Variants in DNAJC15 observed in about 807,000 individuals in gnomAD.
DNAJC15 encodes DnaJ heat shock protein family (Hsp40) member C15, also known as dnaJ homolog subfamily C member 15.
A neutral mutation model predicts 22.4 loss-of-function variants in DNAJC15; 27 were observed. That is an observed-to-expected ratio of 1.20 (90% CI 0.89 to 1.66). DNAJC15 has a LOEUF of 1.66. Ranked by LOEUF, DNAJC15 falls within the 40% of genes most tolerant of loss-of-function variation. The probability of loss-of-function intolerance (pLI) is 0.00; values close to 1 mark genes in which losing one functional copy is unlikely to be tolerated. For synonymous variants in DNAJC15, 79 were observed against 63.2 expected (o/e 1.25, Z -1.19); for missense variants, 208 against 187.1 (o/e 1.11, Z -0.65).
chr13:43,047,346 C>T (rs887775933), intron 1 of DNAJC15, among the ~76,000 whole-genome samples: 5 of 152,074 alleles, frequency 3.3e-5, no homozygotes, highest in South Asian at 4.1e-4. Flanking sequence ...CTCCTGAGTA[C>T]TATGGAGTAC....
In DNAJC15 at chr13:43,109,014, GTC is replaced by G. The variant is rs957090626; in HGVS notation, c.*1768_*1769del. On this transcript the variant is annotated 3_prime_UTR_variant, in exon 6 of 6. Transcript: ENST00000379221. ...ATCCCCAGATGTCCACCTGCCCAAA[GTC>G]TAGGCATAGCTGAAGGCCAAGCTAA... 2 of 152,178 alleles carry G rather than the reference GTC, an allele frequency of 1.3e-5. No homozygotes were observed. Among genetic ancestry groups the G allele is most frequent in the Admixed American group, 1.3e-4 (2 of 15,274 alleles). 9.4% of individuals were successfully genotyped at this position (152,178 alleles called of 1,614,324 possible).
At chr13:43,088,359 G>A (rs193184037) in intron 5 of DNAJC15, among the ~76,000 whole-genome samples, 5 of 152,196 alleles carry the variant, frequency 3.3e-5, no homozygotes, top group Admixed American at 2.6e-4. Context: ...CCTAAATCTG[G>A]GCTTTCTGCT....
chr13:43,113,609 C>T lies in DNAJC15; in HGVS notation c.*6361C>T, dbSNP rs1030770727. Reference sequence around the variant, plus strand: ...ATAACAGACTTGTGAGTTCCTTGAACATGGATACACCTATATGCAAGAGTG... The same window carrying T: ...ATAACAGACTTGTGAGTTCCTTGAATATGGATACACCTATATGCAAGAGTG... On this transcript the variant is annotated 3_prime_UTR_variant, in exon 6 of 6. Coordinates refer to ENST00000379221, the MANE Select transcript of DNAJC15 (RefSeq NM_013238.3). 7 of 152,242 alleles carry T rather than the reference C, an allele frequency of 4.6e-5. No homozygotes were observed. Among genetic ancestry groups the T allele is most frequent in the African/African-American group, 1.7e-4 (7 of 41,458 alleles). The allele number at this position is 152,242 out of a possible 1,614,324, so 9.4% of individuals were successfully genotyped here.
chr13:43,063,476 TCCA>T (rs1226946204), intron 1 of DNAJC15, among the ~76,000 whole-genome samples: 2 of 152,206 alleles, frequency 1.3e-5, no homozygotes, highest in Non-Finnish European at 2.9e-5. Context: ...CAAAACAAGT[TCCA>T]CAAAGGCCAC....
chr13:43,056,069 G>T (rs531255912), intron 1 of DNAJC15, among the ~76,000 whole-genome samples: 1 of 151,536 alleles, frequency 6.6e-6, no homozygotes, highest in South Asian at 2.1e-4. Context: ...TTTTGGAGTT[G>T]ATTTTCAGTT....
At chr13:43,103,525 A>T (rs1294406583) in intron 5 of DNAJC15, among the ~76,000 whole-genome samples, 1 of 152,242 alleles carries the variant, frequency 6.6e-6, no homozygotes, top group African/African-American at 2.4e-5. Context: ...TTGTTATTTT[A>T]ATCTTTGAAG....
chr13:43,046,429 CCGA>C (rs2040477363), intron 1 of DNAJC15, among the ~76,000 whole-genome samples: 1 of 151,872 alleles, frequency 6.6e-6, no homozygotes, highest in East Asian at 1.9e-4. Context: ...ACTTCCTAGG[CCGA>C]CTAAGAATTC....
chr13:43,056,069 G>C (rs531255912), intron 1 of DNAJC15, among the ~76,000 whole-genome samples: 5 of 151,536 alleles, frequency 3.3e-5, no homozygotes, highest in Non-Finnish European at 7.4e-5. Context: ...TTTTGGAGTT[G>C]ATTTTCAGTT....
intron 1 of DNAJC15, among the ~76,000 whole-genome samples, chr13:43,030,838 C>A (rs2040401271): frequency 1.3e-5 from 2 of 151,998 alleles, no homozygotes; most frequent in Admixed American, 1.3e-4. Flanking sequence ...AATGTCTTTT[C>A]AAGGGTAAGG....
chr13:43,089,680 G>A (rs993809638), intron 5 of DNAJC15, among the ~76,000 whole-genome samples: 3 of 152,208 alleles, frequency 2.0e-5, no homozygotes, highest in Non-Finnish European at 4.4e-5. Flanking sequence ...ATGAAATACT[G>A]TAGGTTCTAT....
At chr13:43,054,662 TCTC>T (rs1431430161) in intron 1 of DNAJC15, among the ~76,000 whole-genome samples, 1 of 152,214 alleles carries the variant, frequency 6.6e-6, no homozygotes, top group African/African-American at 2.4e-5. Context: ...AATTTATCCA[TCTC>T]CTCTAGGTTT....
chr13:43,038,972 G>C (rs1176990050), intron 1 of DNAJC15, among the ~76,000 whole-genome samples: 4 of 152,104 alleles, frequency 2.6e-5, no homozygotes, highest in African/African-American at 9.7e-5. Context: ...CTAGTAATAA[G>C]TTGTAGAAGA....
intron 4 of DNAJC15, among the ~76,000 whole-genome samples, chr13:43,084,438 T>C (rs1260802377): frequency 1.3e-5 from 2 of 152,204 alleles, no homozygotes; most frequent in African/African-American, 4.8e-5. Flanking sequence ...TCACAGCTAA[T>C]AAGTAGTGGA....
intron 1 of DNAJC15, among the ~76,000 whole-genome samples, chr13:43,048,994 G>A (rs892403013): frequency 6.6e-6 from 1 of 150,550 alleles, no homozygotes; most frequent in African/African-American, 2.4e-5. Flanking sequence ...AGCCTCATAT[G>A]GCATCCATAT....
intron 1 of DNAJC15, among the ~76,000 whole-genome samples, chr13:43,035,709 A>AT (rs1436288350): frequency 6.6e-6 from 1 of 152,048 alleles, no homozygotes; most frequent in Non-Finnish European, 1.5e-5. Context: ...GTACCAATTT[A>AT]TTTTTTAATT....
In DNAJC15 at chr13:43,110,361, G is replaced by C. The variant is rs938039937; in HGVS notation, c.*3113G>C. 4 of 152,210 alleles carry C rather than the reference G, an allele frequency of 2.6e-5. No homozygotes were observed. Among genetic ancestry groups the C allele is most frequent in the African/African-American group, 9.7e-5 (4 of 41,444 alleles). 9.4% of individuals were successfully genotyped at this position (152,210 alleles called of 1,614,324 possible). ...GCATCACTTGTGCCATATTCAGTTG[G>C]CCTAAGAATTACAGAGCCTGCCTCG... is the stretch of plus-strand genomic sequence containing the variant. On this transcript the variant is annotated 3_prime_UTR_variant, in exon 6 of 6. Coordinates refer to ENST00000379221, the MANE Select transcript of DNAJC15 (RefSeq NM_013238.3).
At chr13:43,101,992 A>G (rs2040771427) in intron 5 of DNAJC15, among the ~76,000 whole-genome samples, 1 of 152,190 alleles carries the variant, frequency 6.6e-6, no homozygotes, top group Non-Finnish European at 1.5e-5. Context: ...TTAGTTCTTT[A>G]AGGAATCTAC....
intron 2 of DNAJC15, among the ~76,000 whole-genome samples, chr13:43,068,396 A>G (rs1022009990): frequency 6.6e-6 from 1 of 152,136 alleles, no homozygotes; most frequent in African/African-American, 2.4e-5. Flanking sequence ...AGAAAAATTG[A>G]TAATTAACAT....
Position 43,068,912 on chromosome 13 carries a change from A to G in DNAJC15, c.161-18A>G. On this transcript the variant is annotated intron_variant, in intron 2 of 5. Coordinates refer to ENST00000379221, the MANE Select transcript of DNAJC15 (RefSeq NM_013238.3). ...GATTATAGAAAATACATTTGCTTTT[A>G]TTCCCTTTACTATTTAGGTCGCTAC... 6.2e-7 allele frequency: 1 copy of G among 1,605,250 alleles called. No individual in the cohort carries two copies. Among genetic ancestry groups the G allele is most frequent in the Non-Finnish European group, 8.5e-7 (1 of 1,175,580 alleles).
Sources: gnomAD v4.1 joint callset for allele counts (sites outside exome capture counted in the v4.1 genomes callset) on GRCh38, gnomAD v4.1.1 for gene constraint, MANE v1.5 for transcripts, NCBI Gene and HGNC (gene_info 2026-07-23, HGNC 2026-07-21) for gene names.